Variants in TXLNB observed in about 807,000 individuals in gnomAD.
The protein encoded by TXLNB is beta-taxilin.
TXLNB carries 37 observed loss-of-function variants against 57.4 expected under a neutral mutation model. The observed-to-expected ratio is 0.64, with a 90% CI of 0.50 to 0.85. The LOEUF is 0.85. TXLNB is among the 40% of genes least tolerant of loss of function. The probability of loss-of-function intolerance (pLI) is 0.00; values close to 1 mark genes in which losing one functional copy is unlikely to be tolerated. For missense variants in TXLNB, 848 were observed against 825.6 expected (o/e 1.03, Z -0.33); for synonymous variants, 302 against 309.6 (o/e 0.98, Z 0.26).
At chr6:139,315,593 T>G in the TXLNB span, among the ~76,000 whole-genome samples, 1 of 152,258 alleles carries the variant, frequency 6.6e-6, no homozygotes, top group African/African-American at 2.4e-5. Flanking sequence ...AAACAATTAT[T>G]TGAATACAAA....
chr6:139,219,676 C>T, the TXLNB span, among the ~76,000 whole-genome samples: 1 of 152,176 alleles, frequency 6.6e-6, no homozygotes, highest in Non-Finnish European at 1.5e-5. Context: ...CTGGGAGCAG[C>T]TGGGAGGCTG....
chr6:139,211,570 C>T, the TXLNB span, among the ~76,000 whole-genome samples: 151 of 152,256 alleles, frequency 9.9e-4, no homozygotes, highest in African/African-American at 3.3e-3. Context: ...AAAATCAGAG[C>T]GCCTCTCCTC....
At chr6:139,260,587 T>C in intron 5 of TXLNB, 150 bp from the exon 6 acceptor site, 1 of 874,174 alleles carries the variant, frequency 1.1e-6, no homozygotes, top group South Asian at 1.8e-5. Flanking sequence ...TACAGCTTTA[T>C]AATAAAGCTG....
At chr6:139,243,362 G>C in intron 9 of TXLNB, 48 bp from the exon 10 acceptor site, 1 of 1,527,416 alleles carries the variant, frequency 6.5e-7, no homozygotes, top group Non-Finnish European at 8.8e-7. Context: ...GAAATGACAT[G>C]ATAAGCAAAA....
intron 7 of TXLNB, among the ~76,000 whole-genome samples, chr6:139,253,035 T>C (rs1776249272): frequency 6.6e-6 from 1 of 152,190 alleles, no homozygotes; most frequent in African/African-American, 2.4e-5. Context: ...TTCCTTCTCA[T>C]ATTTCCATAT....
chr6:139,163,309 C>T, the TXLNB span, among the ~76,000 whole-genome samples: 2 of 151,632 alleles, frequency 1.3e-5, no homozygotes, highest in African/African-American at 4.9e-5. Flanking sequence ...TGGAGAAGCA[C>T]CGATGTTACC....
the TXLNB span, among the ~76,000 whole-genome samples, chr6:139,310,697 G>C: frequency 6.6e-6 from 1 of 152,132 alleles, no homozygotes; most frequent in Non-Finnish European, 1.5e-5. Flanking sequence ...GTTTTGTTTT[G>C]GTTTGGTTTT....
chr6:139,270,397 G>C (rs1424517627), intron 4 of TXLNB, 59 bp downstream of exon 4: 2 of 1,494,946 alleles, frequency 1.3e-6, no homozygotes, highest in Middle Eastern at 2.0e-4. Flanking sequence ...ATGAGTAGCA[G>C]AGGCCTGTCT....
the TXLNB span, among the ~76,000 whole-genome samples, chr6:139,229,722 G>A: frequency 1.3e-5 from 2 of 152,120 alleles, no homozygotes; most frequent in Non-Finnish European, 2.9e-5. Flanking sequence ...AATGAGGGTG[G>A]GACACACAGC....
chr6:139,267,339 A>G (rs1398564812), intron 4 of TXLNB, among the ~76,000 whole-genome samples: 1 of 152,212 alleles, frequency 6.6e-6, no homozygotes, highest in Non-Finnish European at 1.5e-5. Flanking sequence ...TATAATGATG[A>G]TAGCTTAAAG....
At chr6:139,201,420 A>T in the TXLNB span, among the ~76,000 whole-genome samples, 1 of 152,232 alleles carries the variant, frequency 6.6e-6, no homozygotes, top group Non-Finnish European at 1.5e-5. Context: ...TGGCACGATA[A>T]GGAATTCCCT....
At chr6:139,265,223 A>T (rs908749181) in intron 4 of TXLNB, among the ~76,000 whole-genome samples, 2 of 152,204 alleles carry the variant, frequency 1.3e-5, no homozygotes, top group African/African-American at 4.8e-5. Flanking sequence ...ATTCTGTGAT[A>T]TTCTGACAAC....
At chr6:139,318,269 C>CAAAAAAAAAA in the TXLNB span, among the ~76,000 whole-genome samples, 4 of 56,626 alleles carry the variant, frequency 7.1e-5, no homozygotes, top group Middle Eastern at 8.9e-3. Flanking sequence ...GACTCTGTCT[C>CAAAAAAAAAA]AAAAAAAAAA....
chr6:139,270,582 T>C lies in TXLNB; in HGVS notation c.561A>G (p.Gln187=), dbSNP rs57521690. Residue 187 remains glutamine, a synonymous_variant, in exon 4 of 10, where the codon CAA becomes CAG. Coordinates refer to ENST00000358430, the MANE Select transcript of TXLNB (RefSeq NM_153235.4). The stretch of plus-strand genomic sequence containing the variant: ...CTTTTTGAATTTGTACCTGTTTCTT[T>C]TGGAGGAGCTTTAACTTCTTTTGCT... ...RTEQKKLKLL[Q]KKQVQIQKEK... 11,297 of 1,614,092 alleles carry C rather than the reference T, an allele frequency of 7.0e-3. 696 individuals are homozygous for C. In the African/African-American group the frequency reaches 0.13, roughly 19 times the overall value.
chr6:139,239,781 G>C (rs565989364), downstream of TXLNB: 2 of 152,300 alleles, frequency 1.3e-5, no homozygotes, highest in South Asian at 4.1e-4. This position sits in a 1 kb window ranked among gnomAD's most constrained non-coding sequence, Gnocchi z 4.7. Context: ...ATAGGCGTCA[G>C]CTACCATGCC....
chr6:139,229,985 T>C, the TXLNB span, among the ~76,000 whole-genome samples: 1 of 152,242 alleles, frequency 6.6e-6, no homozygotes, highest in Non-Finnish European at 1.5e-5. Flanking sequence ...ACTGTGACTA[T>C]ATTCTCCCAA....
chr6:139,284,485 G>A lies in TXLNB; in HGVS notation c.424+3991C>T, dbSNP rs111700521. Among the ~76,000 whole-genome samples the A allele has an allele frequency of 8.7e-3, 1,266 of 144,906 alleles. 150 individuals are homozygous for A. Among genetic ancestry groups the A allele is most frequent in the African/African-American group, 0.03 (1,179 of 39,348 alleles). On this transcript the variant is annotated intron_variant, in intron 2 of 9. Transcript: ENST00000358430. Reference sequence around the variant, plus strand: ...GGAGGTTGTAGTGAGCCGAAATCGCGCCACTGCACTCCAGCCTGGCAACAG... The same window carrying A: ...GGAGGTTGTAGTGAGCCGAAATCGCACCACTGCACTCCAGCCTGGCAACAG...
the TXLNB span, among the ~76,000 whole-genome samples, chr6:139,215,644 A>G: frequency 5.9e-4 from 90 of 152,316 alleles, no homozygotes; most frequent in Admixed American, 2.5e-3. Flanking sequence ...ATTAAACTAA[A>G]GAGCTTCTGC....
intron 6 of TXLNB, among the ~76,000 whole-genome samples, chr6:139,258,133 C>T (rs1469908309): frequency 6.6e-6 from 1 of 152,206 alleles, no homozygotes; most frequent in East Asian, 1.9e-4. Flanking sequence ...TATCTCATCG[C>T]TTCCAAAAGG....
Sources: allele counts gnomAD v4.1 joint callset (sites outside exome capture counted in the v4.1 genomes callset), GRCh38; gene constraint gnomAD v4.1.1; non-coding constraint Gnocchi (gnomAD v3.1); transcripts MANE v1.5; gene names NCBI Gene and HGNC (gene_info 2026-07-23, HGNC 2026-07-21).